DLC1: variants seen among roughly 807,000 people sequenced by gnomAD.
DLC1 encodes rho GTPase-activating protein 7.
DLC1 carries 54 observed loss-of-function variants against 140.3 expected under a neutral mutation model. The ratio of observed to expected loss-of-function variants is 0.38; its 90% confidence interval spans 0.31 to 0.48. DLC1 has a LOEUF of 0.48. Ranked by LOEUF, DLC1 falls within the 20% of genes least tolerant of loss-of-function variation. The pLI is 0.96. For missense variants in DLC1, 2,536 were observed against 1,907.0 expected, an observed-to-expected ratio of 1.33 and a Z score of -6.14; for synonymous variants, 986 against 728.1, an observed-to-expected ratio of 1.35 and a Z score of -5.70.
At chr8:13,376,457 G>A (rs904677282) in intron 4 of DLC1, among the ~76,000 whole-genome samples, 11 of 152,066 alleles carry the variant, frequency 7.2e-5, no homozygotes, top group South Asian at 6.2e-4. Flanking sequence ...CATCTATGAG[G>A]TGTAGAACCC....
intron 15 of DLC1, among the ~76,000 whole-genome samples, chr8:13,088,999 C>A (rs1817808463): frequency 6.6e-6 from 1 of 152,120 alleles, no homozygotes. Context: ...TGGCTCATTC[C>A]TGTAATCCCA....
At chr8:13,155,438 T>C (rs950284768) in intron 5 of DLC1, among the ~76,000 whole-genome samples, 3 of 152,084 alleles carry the variant, frequency 2.0e-5, no homozygotes, top group Non-Finnish European at 2.9e-5. Flanking sequence ...TAATAAATGT[T>C]CTAGTTTATA....
chr8:13,336,396 C>T lies in DLC1; in HGVS notation c.1315-31094G>A, dbSNP rs538567340. Among the ~76,000 whole-genome samples the T allele has an allele frequency of 3.2e-4, 48 of 152,144 alleles. 1 individual carries two copies. The highest frequency in any genetic ancestry group is 2.5e-3 in the South Asian group (12 of 4,820). On this transcript the variant is annotated intron_variant, in intron 4 of 17. Transcript: ENST00000276297. ...TACACTATATTAATTTTTCAGACTA[C>T]GAAAAGTCACAATTCCAGGAGAAAG...
Position 13,360,316 on chromosome 8 carries a change from C to T in DLC1, c.1314+33237G>A, listed in dbSNP as rs142591153. ...TCACATGGAGAAATTTAATATCTAC[C>T]ACTGCCAGGGCCTCACTGCAAACCA... On this transcript the variant is annotated intron_variant, in intron 4 of 17. Transcript: ENST00000276297. Among the ~76,000 whole-genome samples, 334 of 152,218 alleles carry T rather than the reference C, an allele frequency of 2.2e-3. 4 individuals carry two copies. The highest frequency in any genetic ancestry group is 5.3e-4 in the Non-Finnish European group (36 of 68,006).
At chr8:13,258,017 A>G (rs1014315560) in intron 5 of DLC1, among the ~76,000 whole-genome samples, 1 of 152,272 alleles carries the variant, frequency 6.6e-6, no homozygotes, top group African/African-American at 2.4e-5. Context: ...CTCCAAGGCT[A>G]TAAAGTAGCA....
chr8:13,184,144 A>G (rs142896444), intron 5 of DLC1, among the ~76,000 whole-genome samples: 370 of 152,176 alleles, frequency 2.4e-3, no homozygotes, highest in Non-Finnish European at 4.0e-3. Context: ...TTTTATTTCT[A>G]TGGGATTGGT....
At chr8:13,407,558 C>G (rs994552951) in intron 2 of DLC1, among the ~76,000 whole-genome samples, 2 of 152,074 alleles carry the variant, frequency 1.3e-5, no homozygotes, top group African/African-American at 2.4e-5. Flanking sequence ...TGGAAGAGAA[C>G]CAAAAAGTTT....
intron 5 of DLC1, among the ~76,000 whole-genome samples, chr8:13,292,945 A>T (rs1831818584): frequency 6.6e-6 from 1 of 152,226 alleles, no homozygotes; most frequent in Admixed American, 6.5e-5. Context: ...ATTGCAGGCC[A>T]GTCATGGTGT....
chr8:13,309,126 G>A (rs1468646662), intron 4 of DLC1, among the ~76,000 whole-genome samples: 1 of 152,132 alleles, frequency 6.6e-6, no homozygotes, highest in Non-Finnish European at 1.5e-5. Flanking sequence ...GCTAATAGTT[G>A]CCATATGTTT....
chr8:13,575,307 G>C (rs572016769), intron 1 of DLC1, among the ~76,000 whole-genome samples: 2 of 152,266 alleles, frequency 1.3e-5, no homozygotes, highest in South Asian at 2.1e-4. Flanking sequence ...TGCACTGAGA[G>C]AGTATGAAGG....
At position 13,260,629 on chromosome 8, in the gene DLC1, GAAA is replaced by G. The variant is rs1337544703; in HGVS notation, c.1348+44637_1348+44639del. On this transcript the variant is annotated intron_variant, in intron 5 of 17. Coordinates refer to ENST00000276297, the MANE Select transcript of DLC1 (RefSeq NM_182643.3). The stretch of plus-strand genomic sequence containing the variant: ...GAGGATAGGACAAGATAGGAGGAAA[GAAA>G]AAGAAAGGAAGGAAGAAATATCCAA... Among the ~76,000 whole-genome samples the G allele has an allele frequency of 5.3e-3, 800 of 152,162 alleles. 10 individuals are homozygous for G. Among genetic ancestry groups the G allele is most frequent in the African/African-American group, 0.018 (759 of 41,522 alleles).
At chr8:13,146,223 C>G (rs79598923) in intron 5 of DLC1, among the ~76,000 whole-genome samples, 4,455 of 151,146 alleles carry the variant, frequency 0.029, 219 homozygotes, top group African/African-American at 0.1. Flanking sequence ...CGAAGTGAGA[C>G]TAGACTGTGC....
intron 5 of DLC1, among the ~76,000 whole-genome samples, chr8:13,178,409 A>C (rs966075585): frequency 6.6e-6 from 1 of 151,982 alleles, no homozygotes; most frequent in Non-Finnish European, 1.5e-5. Context: ...AAAAATACAA[A>C]AAATTAGCCA....
chr8:13,304,101 A>G (rs1185606872), intron 5 of DLC1, among the ~76,000 whole-genome samples: 1 of 152,208 alleles, frequency 6.6e-6, no homozygotes, highest in Non-Finnish European at 1.5e-5. Flanking sequence ...GGGGACAGCT[A>G]TGTAAGATAC....
intron 1 of DLC1, among the ~76,000 whole-genome samples, chr8:13,600,874 C>T (rs1047495139): frequency 6.6e-6 from 1 of 151,756 alleles, no homozygotes; most frequent in African/African-American, 2.4e-5. Context: ...TGGTAATGTA[C>T]AGTCATTTAC....
rs1817407408 is a variant in DLC1, at chr8:13,084,640, TA to T, written c.*1170del. ...AAAAAAAAAAGAAATGTAGGAAAAA[TA>T]AAATAAGACAAAAAGTCATAAAACC... On this transcript the variant is annotated 3_prime_UTR_variant, in exon 18 of 18. Coordinates refer to ENST00000276297, the MANE Select transcript of DLC1 (RefSeq NM_182643.3). The T allele has an allele frequency of 7.1e-6, 1 of 141,002 alleles. No individual in the cohort carries two copies. Among genetic ancestry groups the T allele is most frequent in the Non-Finnish European group, 1.6e-5 (1 of 64,170 alleles). 8.7% of individuals were successfully genotyped at this position (141,002 alleles called of 1,614,324 possible).
intron 10 of DLC1, among the ~76,000 whole-genome samples, chr8:13,097,276 T>TTA (rs1300825832): frequency 1.5e-5 from 1 of 65,432 alleles, no homozygotes; most frequent in Non-Finnish European, 3.2e-5. Flanking sequence ...TATTATTATT[T>TTA]TTTGAGATAG....
At chr8:13,363,042 A>T (rs1327605371) in intron 4 of DLC1, among the ~76,000 whole-genome samples, 1 of 152,182 alleles carries the variant, frequency 6.6e-6, no homozygotes, top group Non-Finnish European at 1.5e-5. Context: ...TGTGTGCTAG[A>T]TATGGGCATA....
chr8:13,097,908 G>C (rs1273764193), intron 10 of DLC1, among the ~76,000 whole-genome samples: 1 of 152,078 alleles, frequency 6.6e-6, no homozygotes, highest in African/African-American at 2.4e-5. Context: ...AGAGTGGCTG[G>C]CGTGGTGGCT....
Sources: allele counts gnomAD v4.1 joint callset (sites outside exome capture counted in the v4.1 genomes callset), GRCh38; gene constraint gnomAD v4.1.1; transcripts MANE v1.5; gene names NCBI Gene and HGNC (gene_info 2026-07-23, HGNC 2026-07-21).